Variants in KLF3 observed in about 807,000 individuals in gnomAD.
KLF3 encodes Krueppel-like factor 3.
KLF3 carries 6 observed loss-of-function variants against 32.7 expected under a neutral mutation model. That is an observed-to-expected ratio of 0.18 (90% CI 0.10 to 0.36). KLF3 has a LOEUF of 0.36. KLF3 is among the 10% of genes least tolerant of loss of function. The pLI is 1.00. For missense variants in KLF3, 338 were observed against 449.7 expected, an observed-to-expected ratio of 0.75 and a Z score of 2.25; for synonymous variants, 145 against 172.8, an observed-to-expected ratio of 0.84 and a Z score of 1.26.
chr4:38,685,212 G>A (rs111226009), intron 2 of KLF3, among the ~76,000 whole-genome samples: 25 of 152,352 alleles, frequency 1.6e-4, no homozygotes, highest in African/African-American at 5.3e-4. Flanking sequence ...ATTGTTGGAA[G>A]CTGATTGCAA....
chr4:38,676,499 C>T (rs1722353956), intron 1 of KLF3, among the ~76,000 whole-genome samples: 6 of 152,142 alleles, frequency 3.9e-5, no homozygotes, highest in Admixed American at 3.9e-4. Flanking sequence ...GTGTAGAAAG[C>T]TGTCCCACCC....
rs138833065 is a variant in KLF3, at chr4:38,694,803, G to A, written c.753G>A (p.Pro251=). 78 of 1,605,434 alleles carry A rather than the reference G, an allele frequency of 4.9e-5. 1 individual carries two copies. Among genetic ancestry groups the A allele is most frequent in the African/African-American group, 1.9e-4 (14 of 74,362 alleles). ...PGKRPLPVES[P]DTQRKRRIHR... ...AGAGACCTTTACCTGTGGAATCCCC[G>A]GATACTCAAAGGAAGCGGAGGATAC... is the stretch of plus-strand genomic sequence containing the variant. The change falls in exon 5 of 6, where the codon CCG becomes CCA. Residue 251 remains proline, a synonymous_variant. Coordinates refer to ENST00000261438, the MANE Select transcript of KLF3 (RefSeq NM_016531.6).
At position 38,674,304 on chromosome 4, in the gene KLF3, G is replaced by A. The variant is rs1722278551; in HGVS notation, c.-39-6283G>A. On this transcript the variant is annotated intron_variant, in intron 1 of 5. Transcript: ENST00000261438. The surrounding 1 kb of genome is among the most constrained non-coding windows in gnomAD (Gnocchi z 4.1). The stretch of plus-strand genomic sequence containing the variant: ...TTAAATAATACTTGAGCCATTGGGG[G>A]ATTTTGAAGAATTTGGGTAAAGAAA... 6.6e-6 allele frequency among the ~76,000 whole-genome samples: 1 copy of A among 152,194 alleles called. No individual in the cohort carries two copies. Among genetic ancestry groups the A allele is most frequent in the African/African-American group, 2.4e-5 (1 of 41,448 alleles).
intron 2 of KLF3, among the ~76,000 whole-genome samples, chr4:38,684,212 G>A (rs1273864130): frequency 1.3e-5 from 2 of 152,150 alleles, no homozygotes; most frequent in African/African-American, 4.8e-5. Context: ...AAGTGATAGA[G>A]CTTTGGGAAA....
chr4:38,693,697 G>A (rs1469747245), intron 4 of KLF3, among the ~76,000 whole-genome samples: 1 of 152,138 alleles, frequency 6.6e-6, no homozygotes, highest in Non-Finnish European at 1.5e-5. Context: ...TTTCATTACA[G>A]TTAGAGGCCA....
chr4:38,688,483 A>G lies in KLF3; in HGVS notation c.58-102A>G, dbSNP rs1253414653. 5.2e-6 allele frequency: 6 copies of G among 1,144,362 alleles called. No individual in the cohort carries two copies. In the Admixed American group the frequency reaches 1.4e-4, roughly 26 times the overall value. The allele number at this position is 1,144,362 out of a possible 1,614,324, so 70.9% of individuals were successfully genotyped here. A position where few individuals can be genotyped will look rare whatever the true frequency, so the allele number is the denominator to read the frequency against. On this transcript the variant is annotated intron_variant, in intron 2 of 5. Transcript: ENST00000261438. This position sits in a 1 kb window ranked among gnomAD's most constrained non-coding sequence, Gnocchi z 4.9. ...AAATCTAAACTATTTTGTAAAGCCC[A>G]TGTAATTGTTAAGTGCCTTGTTAGC... is the stretch of plus-strand genomic sequence containing the variant.
chr4:38,666,590 G>T (rs984217873), intron 1 of KLF3, among the ~76,000 whole-genome samples: 1 of 152,178 alleles, frequency 6.6e-6, no homozygotes, highest in African/African-American at 2.4e-5. Flanking sequence ...TAGTACTCTG[G>T]TGTACAGATT....
At chr4:38,692,995 G>A (rs1722916465) in intron 4 of KLF3, among the ~76,000 whole-genome samples, 1 of 149,844 alleles carries the variant, frequency 6.7e-6, no homozygotes, top group Non-Finnish European at 1.5e-5. Context: ...GAATAATTCA[G>A]CCTTATAAAA....
At chr4:38,682,711 A>G (rs776240195) in intron 2 of KLF3, among the ~76,000 whole-genome samples, 1 of 152,218 alleles carries the variant, frequency 6.6e-6, no homozygotes, top group Non-Finnish European at 1.5e-5. Flanking sequence ...CCGAAAAAAA[A>G]AATGTGGAAT....
In KLF3 at chr4:38,701,332, C is replaced by G. The variant is rs956755850; in HGVS notation, c.*4069C>G. Reference sequence around the variant, plus strand: ...CACCTAGTTCATTCTTGAAATACTTCTTGTATTTGTTATTTATGAACCCCT... The same window carrying G: ...CACCTAGTTCATTCTTGAAATACTTGTTGTATTTGTTATTTATGAACCCCT... On this transcript the variant is annotated 3_prime_UTR_variant, in exon 6 of 6. Coordinates refer to ENST00000261438, the MANE Select transcript of KLF3 (RefSeq NM_016531.6). 1.3e-5 allele frequency among the ~76,000 whole-genome samples: 2 copies of G among 152,216 alleles called. No homozygotes were observed. Among genetic ancestry groups the G allele is most frequent in the South Asian group, 2.1e-4 (1 of 4,822 alleles).
chr4:38,675,837 T>C (rs1027873843), intron 1 of KLF3, among the ~76,000 whole-genome samples: 2 of 152,210 alleles, frequency 1.3e-5, no homozygotes, highest in African/African-American at 2.4e-5. Context: ...CGCCCATGGG[T>C]ACCAAAGACT....
At position 38,697,059 on chromosome 4, in the gene KLF3, CTCTTT is replaced by C. The variant is rs906917578; in HGVS notation, c.857-16_857-12del. 3 of 1,549,558 alleles carry C rather than the reference CTCTTT, an allele frequency of 1.9e-6. No individual in the cohort carries two copies. Among genetic ancestry groups the C allele is most frequent in the African/African-American group, 1.4e-5 (1 of 72,106 alleles). ...CTACCTTTACAGAAAAAAAAAATAG[CTCTTT>C]TCTTTTTCCTTTTGCAGGAGAAAAA... On this transcript the variant is annotated intron_variant, in intron 5 of 5. Transcript: ENST00000261438.
chr4:38,675,987 G>A (rs932552809), intron 1 of KLF3, among the ~76,000 whole-genome samples: 1 of 152,134 alleles, frequency 6.6e-6, no homozygotes, highest in Non-Finnish European at 1.5e-5. Context: ...GACAAAAGTG[G>A]TCCCTGTAGT....
At chr4:38,690,008 C>A in intron 4 of KLF3, 129 bp downstream of exon 4, 1 of 855,012 alleles carries the variant, frequency 1.2e-6, no homozygotes, top group Non-Finnish European at 1.8e-6. Flanking sequence ...CTGTGGCCGC[C>A]ACTGGTCCAG....
chr4:38,677,381 A>G (rs1185049898), intron 1 of KLF3, among the ~76,000 whole-genome samples: 2 of 152,232 alleles, frequency 1.3e-5, no homozygotes, highest in Non-Finnish European at 2.9e-5. Flanking sequence ...CTTAATGATA[A>G]AAAGATGTAG....
In KLF3 at chr4:38,699,507, G is replaced by C. The variant is rs771001885; in HGVS notation, c.*2244G>C. The C allele has an allele frequency of 1.3e-5, 2 of 152,312 alleles. No individual in the cohort carries two copies. The highest frequency in any genetic ancestry group is 2.9e-5 in the Non-Finnish European group (2 of 68,030). The allele number at this position is 152,312 out of a possible 1,614,324, so 9.4% of individuals were successfully genotyped here. On this transcript the variant is annotated 3_prime_UTR_variant, in exon 6 of 6. Transcript: ENST00000261438. ...TGTGTGTTCCAATCCATAGAGAAGT[G>C]GGGGAAAGGGCGAGAAAGGATCAGA... is the stretch of plus-strand genomic sequence containing the variant.
chr4:38,701,438 T>C lies in KLF3; in HGVS notation c.*4175T>C, dbSNP rs142103514. On this transcript the variant is annotated 3_prime_UTR_variant, in exon 6 of 6. Coordinates refer to ENST00000261438, the MANE Select transcript of KLF3 (RefSeq NM_016531.6). ...TACTTTAAACTTTTAGAGTAAAATA[T>C]CAAGACTCTCATGTTGGGGAGTGGG... 0.011 allele frequency among the ~76,000 whole-genome samples: 1,645 copies of C among 152,318 alleles called. 9 individuals carry two copies. The highest frequency in any genetic ancestry group is 0.025 in the South Asian group (120 of 4,828).
rs1369080675 is a variant in KLF3, at chr4:38,694,916, A to G, written c.856+10A>G. ...AGAAGAACACACACAGGTAATAGAA[A>G]CACCAGACCCACTTCATCTTTCTTC... On this transcript the variant is annotated intron_variant, in intron 5 of 5. Coordinates refer to ENST00000261438, the MANE Select transcript of KLF3 (RefSeq NM_016531.6). 3.8e-6 allele frequency: 6 copies of G among 1,585,766 alleles called. No individual in the cohort carries two copies. Among genetic ancestry groups the G allele is most frequent in the East Asian group, 2.3e-5 (1 of 43,558 alleles).
chr4:38,672,422 G>A (rs1006697375), intron 1 of KLF3, among the ~76,000 whole-genome samples: 3 of 152,194 alleles, frequency 2.0e-5, no homozygotes, highest in African/African-American at 7.2e-5. Context: ...TAGGTAAGAA[G>A]AGGCGGCCTT....
Sources: gnomAD v4.1 joint callset for allele counts (sites outside exome capture counted in the v4.1 genomes callset) on GRCh38, gnomAD v4.1.1 for gene constraint, Gnocchi (gnomAD v3.1) non-coding constraint, MANE v1.5 for transcripts, NCBI Gene and HGNC (gene_info 2026-07-23, HGNC 2026-07-21) for gene names.